Variants in SLC38A12 observed in about 807,000 individuals in gnomAD.
SLC38A12 encodes the protein putative sodium-coupled neutral amino acid transporter 12.
At chr17:74,833,861 G>C in the SLC38A12 span, among the ~76,000 whole-genome samples, 1 of 152,148 alleles carries the variant, frequency 6.6e-6, no homozygotes, top group Admixed American at 6.5e-5. Flanking sequence ...CCATTGCCCT[G>C]ACCCTTGTGC....
chr17:74,777,580 G>T, the SLC38A12 span: 1 of 1,516,844 alleles, frequency 6.6e-7, no homozygotes, highest in Non-Finnish European at 8.8e-7. Context: ...TTTTTAAGGT[G>T]TTTGTCAGAG....
chr17:74,791,037 G>T, the SLC38A12 span: 1 of 1,613,256 alleles, frequency 6.2e-7, no homozygotes, highest in Non-Finnish European at 8.5e-7. Flanking sequence ...TTCAATAAAG[G>T]TAGAAGTTCT....
chr17:74,782,213 G>T, the SLC38A12 span, among the ~76,000 whole-genome samples: 2,825 of 152,170 alleles, frequency 0.019, 83 homozygotes, highest in African/African-American at 0.064. Flanking sequence ...GATTACAGGC[G>T]TGCACCATCA....
the SLC38A12 span, chr17:74,795,715 G>C: frequency 9.2e-7 from 1 of 1,082,630 alleles, no homozygotes; most frequent in African/African-American, 1.6e-5. Context: ...CTTCCAGGTA[G>C]AATCCTTTCC....
the SLC38A12 span, among the ~76,000 whole-genome samples, chr17:74,785,148 G>T: frequency 5.5e-4 from 84 of 152,310 alleles, 2 homozygotes; most frequent in East Asian, 7.5e-3. Context: ...ATGATGCTCT[G>T]TCCCCGGGAA....
chr17:74,826,995 T>C, the SLC38A12 span, among the ~76,000 whole-genome samples: 1 of 152,134 alleles, frequency 6.6e-6, no homozygotes, highest in Admixed American at 6.5e-5. Flanking sequence ...CCCAAAGGTT[T>C]GCTGAGGCCA....
chr17:74,791,241 G>A, the SLC38A12 span, among the ~76,000 whole-genome samples: 1 of 150,348 alleles, frequency 6.7e-6, no homozygotes, highest in East Asian at 1.9e-4. Context: ...TAAAAACAAA[G>A]AGGCCGCTTC....
the SLC38A12 span, chr17:74,795,551 T>C: frequency 5.6e-6 from 9 of 1,614,070 alleles, no homozygotes; most frequent in Non-Finnish European, 6.8e-6. Context: ...ACTCCTGCGG[T>C]GTGGAAGCAG....
the SLC38A12 span, among the ~76,000 whole-genome samples, chr17:74,809,965 C>T: frequency 9.2e-5 from 14 of 152,172 alleles, no homozygotes; most frequent in Admixed American, 6.5e-4. Context: ...TCTTTCCTCC[C>T]GACCAGCCCC....
the SLC38A12 span, among the ~76,000 whole-genome samples, chr17:74,789,940 C>CT: frequency 7.1e-3 from 771 of 108,820 alleles, 9 homozygotes; most frequent in African/African-American, 0.018. Flanking sequence ...TTCTCTCTTT[C>CT]TTTTTTGTTT....
chr17:74,783,065 G>T, the SLC38A12 span, among the ~76,000 whole-genome samples: 1 of 152,356 alleles, frequency 6.6e-6, no homozygotes, highest in Admixed American at 6.5e-5. Context: ...CAGGAGGCAA[G>T]GTTGCAGTGA....
At chr17:74,831,173 CG>C in the SLC38A12 span, among the ~76,000 whole-genome samples, 1 of 152,222 alleles carries the variant, frequency 6.6e-6, no homozygotes, top group African/African-American at 2.4e-5. Flanking sequence ...CCTCCCGCGA[CG>C]GGGATCTCAT....
At chr17:74,791,640 G>A in the SLC38A12 span, among the ~76,000 whole-genome samples, 1 of 152,244 alleles carries the variant, frequency 6.6e-6, no homozygotes, top group Non-Finnish European at 1.5e-5. Context: ...CCTGGGCGTG[G>A]CTTCCCAGTG....
the SLC38A12 span, among the ~76,000 whole-genome samples, chr17:74,807,693 A>G: frequency 6.6e-6 from 1 of 152,192 alleles, no homozygotes; most frequent in Non-Finnish European, 1.5e-5. Flanking sequence ...GAAGTCACAG[A>G]CAGCTCGTCA....
At chr17:74,776,563 C>G in the SLC38A12 span, 1 of 141,808 alleles carries the variant, frequency 7.1e-6, no homozygotes, top group African/African-American at 2.5e-5. Flanking sequence ...GGCTTGGGAG[C>G]TGGCTGTGCT....
At chr17:74,830,887 G>T in the SLC38A12 span, among the ~76,000 whole-genome samples, 1 of 152,240 alleles carries the variant, frequency 6.6e-6, no homozygotes, top group South Asian at 2.1e-4. Flanking sequence ...AGGCCTGCGT[G>T]TGGAGCTGAG....
At chr17:74,783,730 T>C in the SLC38A12 span, among the ~76,000 whole-genome samples, 44 of 48,040 alleles carry the variant, frequency 9.2e-4, no homozygotes, top group South Asian at 1.6e-3. Flanking sequence ...TCTTTTTTTT[T>C]TTTTTTTTTT....
chr17:74,801,385 C>T, the SLC38A12 span, among the ~76,000 whole-genome samples: 7 of 152,180 alleles, frequency 4.6e-5, no homozygotes, highest in Non-Finnish European at 1.0e-4. Context: ...GGTGAGGCTT[C>T]GAGGTGTCTT....
At chr17:74,794,995 G>C in the SLC38A12 span, 1 of 1,606,518 alleles carries the variant, frequency 6.2e-7, no homozygotes, top group Non-Finnish European at 8.5e-7. Flanking sequence ...CCTGACTGAT[G>C]GCTGTGTTCC....
Sources: gnomAD v4.1 joint callset for allele counts (sites outside exome capture counted in the v4.1 genomes callset) on GRCh38, gnomAD v4.1.1 for gene constraint, MANE v1.5 for transcripts, NCBI Gene and HGNC (gene_info 2026-07-23, HGNC 2026-07-21) for gene names.